The following ABTB2 variants were observed in gnomAD, a reference collection of about 807,000 sequenced individuals.
ABTB2 encodes ankyrin repeat and BTB/POZ domain-containing protein 2.
ABTB2 carries 56 observed loss-of-function variants against 104.1 expected under a neutral mutation model. That is an observed-to-expected ratio of 0.54 (90% CI 0.43 to 0.67). ABTB2 has a LOEUF of 0.67. Ranked by LOEUF, ABTB2 falls within the 30% of genes least tolerant of loss-of-function variation. The pLI is 0.00. For missense variants in ABTB2, 1,279 were observed against 1,407.7 expected, an observed-to-expected ratio of 0.91 and a Z score of 1.46; for synonymous variants, 606 against 608.2, an observed-to-expected ratio of 1.00 and a Z score of 0.05.
chr11:34,317,936 C>T (rs978226262), intron 1 of ABTB2, among the ~76,000 whole-genome samples: 1 of 151,148 alleles, frequency 6.6e-6, no homozygotes, highest in African/African-American at 2.4e-5. Flanking sequence ...CAACCCTCAC[C>T]CCCACTCCTC....
chr11:34,235,753 T>C (rs1853834327), intron 1 of ABTB2, among the ~76,000 whole-genome samples: 1 of 152,192 alleles, frequency 6.6e-6, no homozygotes, highest in African/African-American at 2.4e-5. Flanking sequence ...CCATCGCTAA[T>C]TGCACTTTGC....
Position 34,197,348 on chromosome 11 carries a change from C to CG in ABTB2, c.1220dup (p.Arg408GlufsTer7). Reference sequence around the variant, plus strand: ...ACCGTTCATTGTTCAAGGTCATTCTCGGGGGGTCCAGGTTGGGGTTCTCCA... The same window carrying CG: ...ACCGTTCATTGTTCAAGGTCATTCTCGGGGGGGTCCAGGTTGGGGTTCTCCA... On this transcript the variant is annotated frameshift_variant, in exon 3 of 17. Coordinates refer to ENST00000435224, the MANE Select transcript of ABTB2 (RefSeq NM_145804.3). LOFTEE classifies it high-confidence loss of function. 1 of 1,614,042 alleles carries CG rather than the reference C, an allele frequency of 6.2e-7. No homozygotes were observed.
At chr11:34,271,757 A>G (rs1286544087) in intron 1 of ABTB2, among the ~76,000 whole-genome samples, 3 of 151,850 alleles carry the variant, frequency 2.0e-5, no homozygotes, top group Non-Finnish European at 4.4e-5. Flanking sequence ...ATACATACAT[A>G]CATACATACA....
At position 34,204,706 on chromosome 11, in the gene ABTB2, G is replaced by A. The variant is rs1046710362; in HGVS notation, c.884-16C>T. 2 of 1,608,076 alleles carry A rather than the reference G, an allele frequency of 1.2e-6. No homozygotes were observed. Among genetic ancestry groups the A allele is most frequent in the Admixed American group, 1.7e-5 (1 of 59,582 alleles). ...GAGAGGACACCTATGGGGAAAGAAG[G>A]CAGACAGGTCACACTTAGGAAGGAG... is the stretch of plus-strand genomic sequence containing the variant. On this transcript the variant is annotated splice_polypyrimidine_tract_variant and intron_variant, in intron 1 of 16. Coordinates refer to ENST00000435224, the MANE Select transcript of ABTB2 (RefSeq NM_145804.3).
chr11:34,174,657 C>T (rs1040767575), intron 3 of ABTB2, among the ~76,000 whole-genome samples: 1 of 152,264 alleles, frequency 6.6e-6, no homozygotes, highest in African/African-American at 2.4e-5. Flanking sequence ...GTTGGAGCCC[C>T]CTCAGGAGAC....
At chr11:34,231,848 C>G (rs1853773536) in intron 1 of ABTB2, among the ~76,000 whole-genome samples, 1 of 152,014 alleles carries the variant, frequency 6.6e-6, no homozygotes, top group Admixed American at 6.6e-5. Context: ...CGCAAAAAAC[C>G]CTATAACCCC....
At chr11:34,272,728 A>AAT (rs1554987959) in intron 1 of ABTB2, among the ~76,000 whole-genome samples, 1 of 133,182 alleles carries the variant, frequency 7.5e-6, no homozygotes, top group Non-Finnish European at 1.6e-5. Context: ...AAAAAAAAAA[A>AAT]AAACCAACCA....
intron 1 of ABTB2, among the ~76,000 whole-genome samples, chr11:34,238,816 C>G (rs1271291876): frequency 6.6e-6 from 1 of 152,078 alleles, no homozygotes; most frequent in Non-Finnish European, 1.5e-5. Context: ...TGCAATGATG[C>G]AATCTCGGCT....
intron 1 of ABTB2, among the ~76,000 whole-genome samples, chr11:34,246,282 A>G (rs544678750): frequency 3.5e-4 from 53 of 152,288 alleles, no homozygotes; most frequent in Non-Finnish European, 6.8e-4. Context: ...ACTTCGATAC[A>G]AGGGCTTTTT....
intron 16 of ABTB2, among the ~76,000 whole-genome samples, chr11:34,153,602 C>T (rs1196190007): frequency 1.3e-5 from 2 of 152,290 alleles, no homozygotes; most frequent in Admixed American, 6.5e-5. Context: ...CCTCATCCTC[C>T]CAAAGTACTG....
intron 1 of ABTB2, among the ~76,000 whole-genome samples, chr11:34,286,227 G>A (rs935043049): frequency 2.6e-5 from 4 of 151,974 alleles, no homozygotes; most frequent in African/African-American, 9.7e-5. Context: ...GGAGGCAGAG[G>A]CAGGAGGATC....
At position 34,306,236 on chromosome 11, in the gene ABTB2, ATTTTT is replaced by A. The variant is rs34872949; in HGVS notation, c.883+50460_883+50464del. On this transcript the variant is annotated intron_variant, in intron 1 of 16. Coordinates refer to ENST00000435224, the MANE Select transcript of ABTB2 (RefSeq NM_145804.3). The stretch of plus-strand genomic sequence containing the variant: ...TCCCACTAGCTGCCTGGAAAGTTTG[ATTTTT>A]TTTTTTTTTTTTTTTTTTTTTTTTG... Among the ~76,000 whole-genome samples, 491 of 71,944 alleles carry A rather than the reference ATTTTT, an allele frequency of 6.8e-3. 7 individuals are homozygous for A. The highest frequency in any genetic ancestry group is 0.022 in the African/African-American group (454 of 20,208). The allele number at this position is 71,944 out of a possible 152,430, so 47.2% of individuals were successfully genotyped here.
chr11:34,333,065 T>C (rs1855151681), intron 1 of ABTB2, among the ~76,000 whole-genome samples: 2 of 152,256 alleles, frequency 1.3e-5, no homozygotes. Context: ...TGATTTTACA[T>C]GTGTTGTCTC....
intron 1 of ABTB2, among the ~76,000 whole-genome samples, chr11:34,298,933 C>T (rs975407503): frequency 6.6e-6 from 1 of 152,176 alleles, no homozygotes; most frequent in Admixed American, 6.6e-5. Flanking sequence ...TACTTCCTCA[C>T]CCTCTTTCAA....
At chr11:34,229,319 A>C (rs1214650109) in intron 1 of ABTB2, among the ~76,000 whole-genome samples, 5 of 151,100 alleles carry the variant, frequency 3.3e-5, no homozygotes, top group African/African-American at 1.2e-4. Context: ...GTCTCTACCA[A>C]AAATACAAAA....
rs139548652 is a variant in ABTB2, at chr11:34,254,774, C to T, written c.884-50084G>A. Among the ~76,000 whole-genome samples, 913 of 149,072 alleles carry T rather than the reference C, an allele frequency of 6.1e-3. 10 individuals are homozygous for T. The highest frequency in any genetic ancestry group is 0.021 in the African/African-American group (844 of 40,482). ...GCAACCTCTACCTCCCAGGTTCAAGCGATTCTCCTGCCTCAGCCTCCCGAG... is the reference window on the plus strand; with the variant it reads ...GCAACCTCTACCTCCCAGGTTCAAGTGATTCTCCTGCCTCAGCCTCCCGAG... On this transcript the variant is annotated intron_variant, in intron 1 of 16. Coordinates refer to ENST00000435224, the MANE Select transcript of ABTB2 (RefSeq NM_145804.3).
chr11:34,343,329 ATAATAGT>A (rs1855286146), intron 1 of ABTB2, among the ~76,000 whole-genome samples: 1 of 152,192 alleles, frequency 6.6e-6, no homozygotes, highest in Non-Finnish European at 1.5e-5. Flanking sequence ...TTTACCACTA[ATAATAGT>A]TAATGTCTGC....
intron 1 of ABTB2, among the ~76,000 whole-genome samples, chr11:34,317,807 AG>A (rs1212676601): frequency 6.6e-6 from 1 of 151,704 alleles, no homozygotes; most frequent in African/African-American, 2.4e-5. Context: ...AAAAAATTTC[AG>A]ATTTGGGGAT....
intron 1 of ABTB2, among the ~76,000 whole-genome samples, chr11:34,348,466 T>C (rs1299879502): frequency 6.6e-6 from 1 of 152,178 alleles, no homozygotes; most frequent in Non-Finnish European, 1.5e-5. Flanking sequence ...CCAACACATA[T>C]GCGTTGGCTT....
Sources: allele counts gnomAD v4.1 joint callset (sites outside exome capture counted in the v4.1 genomes callset), GRCh38; gene constraint gnomAD v4.1.1; transcripts MANE v1.5; gene names NCBI Gene and HGNC (gene_info 2026-07-23, HGNC 2026-07-21).